Variants in CSMD1 observed in about 807,000 individuals in gnomAD.
The protein encoded by CSMD1 is CUB and sushi domain-containing protein 1.
A neutral mutation model predicts 417.5 loss-of-function variants in CSMD1; 213 were observed. The ratio of observed to expected loss-of-function variants is 0.51; its 90% CI spans 0.46 to 0.57. The LOEUF (loss-of-function observed/expected upper bound fraction) is 0.57. CSMD1 is among the 20% of genes least tolerant of loss of function. The pLI is 0.00. For synonymous variants in CSMD1, 2,862 were observed against 1,736.8 expected, an observed-to-expected ratio of 1.65 and a Z score of -16.11; for missense variants, 6,923 against 4,529.7, an observed-to-expected ratio of 1.53 and a Z score of -15.17.
At chr8:4,570,514 T>C (rs1485138318) in intron 2 of CSMD1, among the ~76,000 whole-genome samples, 2 of 152,182 alleles carry the variant, frequency 1.3e-5, no homozygotes, top group Non-Finnish European at 2.9e-5. Flanking sequence ...AAGCTTATGA[T>C]GTGCTGCTGG....
intron 37 of CSMD1, among the ~76,000 whole-genome samples, chr8:3,173,767 C>A (rs1007401994): frequency 1.3e-5 from 2 of 152,104 alleles, no homozygotes; most frequent in Non-Finnish European, 2.9e-5. Flanking sequence ...TACTCATGTT[C>A]ACCAAAATTC....
intron 41 of CSMD1, among the ~76,000 whole-genome samples, chr8:3,126,966 G>C (rs964323224): frequency 2.0e-4 from 31 of 152,284 alleles, no homozygotes; most frequent in African/African-American, 7.0e-4. Flanking sequence ...GAGAACGTCA[G>C]CTTTTGGTTC....
chr8:3,913,081 T>C (rs371653240), intron 5 of CSMD1, among the ~76,000 whole-genome samples: 13 of 152,074 alleles, frequency 8.5e-5, no homozygotes, highest in African/African-American at 3.1e-4. Context: ...GGAAAGGAGC[T>C]TTTGGATGGT....
intron 1 of CSMD1, among the ~76,000 whole-genome samples, chr8:4,763,818 G>A (rs1435697585): frequency 6.6e-6 from 1 of 152,102 alleles, no homozygotes. Context: ...AATTATTAAA[G>A]GATCATGGTT....
intron 10 of CSMD1, among the ~76,000 whole-genome samples, chr8:3,520,012 G>GTGTATACATATA (rs1225105460): frequency 1.7e-5 from 2 of 120,028 alleles, no homozygotes; most frequent in East Asian, 2.3e-4. Context: ...GTGTGTGTGT[G>GTGTATACATATA]TATATACCTA....
intron 2 of CSMD1, among the ~76,000 whole-genome samples, chr8:4,426,817 A>C (rs997627925): frequency 1.3e-5 from 2 of 150,324 alleles, no homozygotes; most frequent in Non-Finnish European, 3.0e-5. Flanking sequence ...ATGTAATATT[A>C]CATGATACAT....
At chr8:4,108,990 G>A (rs1289801871) in intron 3 of CSMD1, among the ~76,000 whole-genome samples, 14 of 152,146 alleles carry the variant, frequency 9.2e-5, no homozygotes, top group Admixed American at 8.5e-4. Flanking sequence ...CGAATTATCT[G>A]GAAAGGATTG....
intron 6 of CSMD1, among the ~76,000 whole-genome samples, chr8:3,739,630 G>A (rs539920250): frequency 1.3e-5 from 2 of 152,236 alleles, no homozygotes; most frequent in East Asian, 3.9e-4. Context: ...TTTCTGTGCT[G>A]AACATTTACA....
intron 27 of CSMD1, among the ~76,000 whole-genome samples, chr8:3,227,771 CTTTT>C (rs752654638): frequency 7.0e-6 from 1 of 142,312 alleles, no homozygotes; most frequent in Non-Finnish European, 1.5e-5. Context: ...AAACTTTTTT[CTTTT>C]TTTTTTTTTT....
chr8:4,357,957 C>T (rs1036567145), intron 3 of CSMD1, among the ~76,000 whole-genome samples: 2 of 151,916 alleles, frequency 1.3e-5, no homozygotes, highest in African/African-American at 4.8e-5. Flanking sequence ...TGGTGTAATG[C>T]CTGAATGAGA....
intron 1 of CSMD1, among the ~76,000 whole-genome samples, chr8:4,696,916 G>A (rs1403346342): frequency 6.6e-6 from 1 of 152,214 alleles, no homozygotes; most frequent in East Asian, 1.9e-4. Flanking sequence ...GCTCATTCCT[G>A]TAATCCCAGC....
intron 2 of CSMD1, among the ~76,000 whole-genome samples, chr8:4,477,826 A>G (rs1325547730): frequency 1.3e-5 from 2 of 152,186 alleles, no homozygotes; most frequent in African/African-American, 4.8e-5. Context: ...GTGCTGTATT[A>G]TATTTTTGGT....
chr8:4,651,796 G>C (rs765410156), intron 1 of CSMD1, among the ~76,000 whole-genome samples: 1 of 152,272 alleles, frequency 6.6e-6, no homozygotes, highest in East Asian at 1.9e-4. Context: ...GATTATTAGG[G>C]GTGACCTAAT....
intron 6 of CSMD1, among the ~76,000 whole-genome samples, chr8:3,746,048 G>A (rs563281278): frequency 1.4e-4 from 21 of 152,138 alleles, no homozygotes; most frequent in South Asian, 8.3e-4. Flanking sequence ...AAAGCACACC[G>A]CTACCTACAA....
chr8:4,192,465 G>C (rs73658454), intron 3 of CSMD1, among the ~76,000 whole-genome samples: 2 of 151,992 alleles, frequency 1.3e-5, no homozygotes, highest in Admixed American at 1.3e-4. Flanking sequence ...CGTGAATCTC[G>C]GTAGCACTGA....
intron 1 of CSMD1, among the ~76,000 whole-genome samples, chr8:4,777,663 G>C (rs1052724312): frequency 6.6e-6 from 1 of 152,182 alleles, no homozygotes; most frequent in Admixed American, 6.5e-5. Flanking sequence ...TGGTACAGAA[G>C]TGATTGCAGT....
intron 1 of CSMD1, among the ~76,000 whole-genome samples, chr8:4,743,490 T>A (rs1585030678): frequency 6.6e-6 from 1 of 152,116 alleles, no homozygotes; most frequent in African/African-American, 2.4e-5. Context: ...CACCGGAGCG[T>A]CAAGTACCAT....
At chr8:3,340,281 C>G (rs965559557) in intron 23 of CSMD1, among the ~76,000 whole-genome samples, 1 of 152,110 alleles carries the variant, frequency 6.6e-6, no homozygotes, top group Admixed American at 6.5e-5. Context: ...TTTCCCAAGA[C>G]CTGGAATTAC....
In CSMD1 at chr8:4,210,649, G is replaced by GAA. The variant is rs555710728; in HGVS notation, c.416-178552_416-178551dup. Among the ~76,000 whole-genome samples the GAA allele has an allele frequency of 5.4e-4, 81 of 149,416 alleles. 1 individual carries two copies. In the South Asian group the frequency reaches 0.012, roughly 23 times the overall value. On this transcript the variant is annotated intron_variant, in intron 3 of 69. Coordinates refer to ENST00000635120, the MANE Select transcript of CSMD1 (RefSeq NM_033225.6). Reference sequence around the variant, plus strand: ...TCTCATTAATTATACAATTAGCCAAGAAAAAAAAACACTTATCTGAAGAAA... The same window carrying GAA: ...TCTCATTAATTATACAATTAGCCAAGAAAAAAAAAAACACTTATCTGAAGAAA...
Sources: gnomAD v4.1 joint callset for allele counts (sites outside exome capture counted in the v4.1 genomes callset) on GRCh38, gnomAD v4.1.1 for gene constraint, MANE v1.5 for transcripts, NCBI Gene and HGNC (gene_info 2026-07-23, HGNC 2026-07-21) for gene names.